SLC7A9: variants seen among roughly 807,000 people sequenced by gnomAD.
SLC7A9 encodes the protein solute carrier family 7 member 9, also known as B(0,+)-type amino acid transporter 1.
In SLC7A9, 38 loss-of-function variants were observed where a neutral mutation model predicts 54.1. The observed-to-expected ratio is 0.70, with a 90% confidence interval of 0.54 to 0.92. The LOEUF (loss-of-function observed/expected upper bound fraction) is 0.92. Among genes scored for constraint, SLC7A9 ranks in the 40% least tolerant of loss-of-function variants. SLC7A9 has a pLI of 0.00. For synonymous variants in SLC7A9, 264 were observed against 258.9 expected, an observed-to-expected ratio of 1.02 and a Z score of -0.19; for missense variants, 537 against 636.1, an observed-to-expected ratio of 0.84 and a Z score of 1.68.
chr19:32,862,122 C>T lies in SLC7A9; in HGVS notation c.700G>A (p.Gly234Arg). The change falls in exon 6 of 13, where the codon GGA (glycine) becomes AGA (arginine). Residue 234 changes from glycine (G) to arginine (R), a missense_variant. Transcript: ENST00000023064. ...GGACATCTCAGGACACCTCACCATC[C>T]ATCATAGGCCCAGAGTCCATTGTAA... is the stretch of plus-strand genomic sequence containing the variant. ...AFYNGLWAYD[G>R]WNQLNYITEE... is the part of the protein sequence containing the mutation. 1.2e-6 allele frequency: 2 copies of T among 1,606,974 alleles called. No homozygotes were observed. The highest frequency in any genetic ancestry group is 2.2e-5 in the South Asian group (2 of 90,956).
intron 9 of SLC7A9, among the ~76,000 whole-genome samples, chr19:32,850,312 C>A (rs1434873445): frequency 6.7e-6 from 1 of 148,704 alleles, no homozygotes; most frequent in Admixed American, 6.7e-5. Flanking sequence ...TCTCCTTAAG[C>A]TGATAAGCAA....
At chr19:32,833,630 T>C (rs1967872112) in intron 11 of SLC7A9, among the ~76,000 whole-genome samples, 1 of 152,044 alleles carries the variant, frequency 6.6e-6, no homozygotes, top group African/African-American at 2.4e-5. Context: ...AAACACCATC[T>C]CTACCAAAAA....
chr19:32,830,562 C>T lies in SLC7A9; in HGVS notation c.*58G>A, dbSNP rs1018804793. Reference sequence around the variant, plus strand: ...CGTAAGAAAAAAAGGAAGAAATAACCACAAATATTGCTTAAGAAAATAAAT... The same window carrying T: ...CGTAAGAAAAAAAGGAAGAAATAACTACAAATATTGCTTAAGAAAATAAAT... On this transcript the variant is annotated 3_prime_UTR_variant, in exon 13 of 13. Coordinates refer to ENST00000023064, the MANE Select transcript of SLC7A9 (RefSeq NM_014270.5). 4.6e-6 allele frequency: 6 copies of T among 1,316,038 alleles called. No individual in the cohort carries two copies. The highest frequency in any genetic ancestry group is 4.4e-6 in the Non-Finnish European group (4 of 909,002). 81.5% of individuals were successfully genotyped at this position (1,316,038 alleles called of 1,614,324 possible).
At chr19:32,858,698 C>T (rs895891212) in intron 8 of SLC7A9, among the ~76,000 whole-genome samples, 155 bp from the exon 9 acceptor site, 4 of 152,278 alleles carry the variant, frequency 2.6e-5, no homozygotes, top group Non-Finnish European at 4.4e-5. Context: ...GAGAGGAGAA[C>T]GCCACTCGCC....
intron 9 of SLC7A9, among the ~76,000 whole-genome samples, chr19:32,846,404 A>G (rs11665691): frequency 0.59 from 89,362 of 152,070 alleles, 27,121 homozygotes; most frequent in East Asian, 0.83. Flanking sequence ...CTACGCCCAC[A>G]GAGTCTCACT....
At chr19:32,830,710 C>CAGTT (rs765507166) in intron 12 of SLC7A9, 26 bp from the exon 13 acceptor site, 24 of 1,591,286 alleles carry the variant, frequency 1.5e-5, no homozygotes, top group African/African-American at 8.1e-5. Flanking sequence ...AAAATGAGTA[C>CAGTT]AGTTAGTTAG....
At position 32,867,325 on chromosome 19, in the gene SLC7A9, G is replaced by A. The variant is rs148011507; in HGVS notation, c.87+1123C>T. On this transcript the variant is annotated intron_variant, in intron 2 of 12. Transcript: ENST00000023064. ...CAGACCAGCCTGGGCAACACAGCAA[G>A]ATACTGACTCTACAGAAAGAATTTT... is the stretch of plus-strand genomic sequence containing the variant. 4.8e-3 allele frequency among the ~76,000 whole-genome samples: 724 copies of A among 151,998 alleles called. 10 individuals carry two copies. The highest frequency in any genetic ancestry group is 7.7e-3 in the Admixed American group (117 of 15,264).
chr19:32,859,692 C>A, intron 8 of SLC7A9, 149 bp downstream of exon 8: 2 of 752,468 alleles, frequency 2.7e-6, no homozygotes, highest in Non-Finnish European at 4.6e-6. Context: ...GCCCTGCCTC[C>A]AGCTCCATGC....
chr19:32,862,042 T>G, intron 6 of SLC7A9, 76 bp downstream of exon 6: 1 of 919,712 alleles, frequency 1.1e-6, no homozygotes. Context: ...CTCATTGTTT[T>G]CCATGACAGG....
intron 9 of SLC7A9, among the ~76,000 whole-genome samples, chr19:32,853,667 A>C (rs4487028): frequency 6.6e-6 from 1 of 152,238 alleles, no homozygotes; most frequent in East Asian, 1.9e-4. Flanking sequence ...CTGTAATCCC[A>C]ACACTTTGGG....
chr19:32,841,676 G>T (rs1389015984), intron 11 of SLC7A9, among the ~76,000 whole-genome samples: 2 of 152,214 alleles, frequency 1.3e-5, no homozygotes, highest in East Asian at 3.8e-4. Flanking sequence ...GGAAGCCAAG[G>T]CAGGCAGATC....
intron 9 of SLC7A9, among the ~76,000 whole-genome samples, chr19:32,854,138 G>A (rs1224451918): frequency 1.3e-5 from 2 of 151,792 alleles, no homozygotes; most frequent in African/African-American, 4.8e-5. Context: ...TCAGTCTCCT[G>A]AGTAGCTGGG....
chr19:32,859,848 AC>A lies in SLC7A9; in HGVS notation c.865del (p.Val289TrpfsTer3). On this transcript the variant is annotated frameshift_variant, in exon 8 of 13. Coordinates refer to ENST00000023064, the MANE Select transcript of SLC7A9 (RefSeq NM_014270.5). LOFTEE classifies it high-confidence loss of function. ...TATELLQSQA[V>X]AVTFGDRVLY... is the part of the protein sequence containing the mutation. ...CGATGCCCGGGCACTCACCACAGCC[AC>A]CGCCTGGGACTGCAGGAGTTCGGTG... The A allele has an allele frequency of 1.9e-6, 3 of 1,613,822 alleles. No individual in the cohort carries two copies. The highest frequency in any genetic ancestry group is 2.5e-6 in the Non-Finnish European group (3 of 1,179,810).
chr19:32,843,780 A>G (rs1328892219), intron 10 of SLC7A9, 75 bp downstream of exon 10: 7 of 1,091,562 alleles, frequency 6.4e-6, no homozygotes, highest in African/African-American at 1.5e-5. Context: ...GTCATTTGGA[A>G]GCCGCCGGGC....
intron 4 of SLC7A9, chr19:32,862,812 C>G: frequency 3.0e-6 from 1 of 332,136 alleles, no homozygotes. Context: ...GCTAGGACGA[C>G]AGGTGCACGC....
chr19:32,834,785 GT>G (rs1257793046), intron 11 of SLC7A9, among the ~76,000 whole-genome samples: 1 of 151,974 alleles, frequency 6.6e-6, no homozygotes, highest in Non-Finnish European at 1.5e-5. Flanking sequence ...CTTTGACTGT[GT>G]TTTTTTGTTT....
rs386388892 is a variant in SLC7A9, at chr19:32,844,857, C to CAAAAAAAAAAAA, written c.978-918_978-907dup. Among the ~76,000 whole-genome samples, 10 of 30,316 alleles carry CAAAAAAAAAAAA rather than the reference C, an allele frequency of 3.3e-4. 2 individuals are homozygous for CAAAAAAAAAAAA. The highest frequency in any genetic ancestry group is 4.1e-4 in the Non-Finnish European group (7 of 16,990). The allele number at this position is 30,316 out of a possible 152,430, so 19.9% of individuals were successfully genotyped here. On this transcript the variant is annotated intron_variant, in intron 9 of 12. Transcript: ENST00000023064. ...TGGACGACAGAGTGAGAATCCATCT[C>CAAAAAAAAAAAA]AAAAAAAAAAAAAAAAAAAAAAAAA...
In SLC7A9 at chr19:32,833,302, A is replaced by T; in HGVS notation, c.1246T>A (p.Leu416Met). ...AAAAACACAGAGATGAGTGTCATCA[A>T]GACGGGAATGACTACGGGCACCTGG... ...PIKVPVVIPV[L>M]MTLISVFLVL... is the part of the protein sequence containing the mutation. Residue 416 changes from leucine (L) to methionine (M), a missense_variant, in exon 12 of 13, where the codon TTG (leucine) becomes ATG (methionine). Coordinates refer to ENST00000023064, the MANE Select transcript of SLC7A9 (RefSeq NM_014270.5). 1 of 1,614,228 alleles carries T rather than the reference A, an allele frequency of 6.2e-7. No individual in the cohort carries two copies. The highest frequency in any genetic ancestry group is 8.5e-7 in the Non-Finnish European group (1 of 1,180,028).
chr19:32,867,929 CAAAAAAAA>C (rs57446079), intron 2 of SLC7A9, among the ~76,000 whole-genome samples: 1,234 of 66,042 alleles, frequency 0.019, 28 homozygotes, highest in African/African-American at 0.056. Flanking sequence ...GACTCTGTCT[CAAAAAAAA>C]AAAAAAAAAA....
Sources: gnomAD v4.1 joint callset for allele counts (sites outside exome capture counted in the v4.1 genomes callset) on GRCh38, gnomAD v4.1.1 for gene constraint, MANE v1.5 for transcripts, NCBI Gene and HGNC (gene_info 2026-07-23, HGNC 2026-07-21) for gene names.